The following GMDS variants were observed in gnomAD, a reference collection of about 807,000 sequenced individuals.
The protein encoded by GMDS is GDP-mannose 4,6 dehydratase.
GMDS carries 20 observed loss-of-function variants against 49.9 expected under a neutral mutation model. The observed-to-expected ratio is 0.40, with a 90% CI of 0.28 to 0.58. The LOEUF is 0.58. Among genes scored for constraint, GMDS ranks in the 20% least tolerant of loss-of-function variants. The probability of loss-of-function intolerance (pLI) is 0.42; values close to 1 mark genes in which losing one functional copy is unlikely to be tolerated. For synonymous variants in GMDS, 177 were observed against 178.6 expected (o/e 0.99, Z 0.07); for missense variants, 362 against 481.4 (o/e 0.75, Z 2.32).
chr6:1,782,862 G>T (rs1163220219), intron 7 of GMDS, among the ~76,000 whole-genome samples: 1 of 152,184 alleles, frequency 6.6e-6, no homozygotes, highest in African/African-American at 2.4e-5. Flanking sequence ...TGTCAAGAAA[G>T]GATCACAGAG....
chr6:1,725,528 G>A (rs1053031182), intron 9 of GMDS, among the ~76,000 whole-genome samples: 3 of 152,050 alleles, frequency 2.0e-5, no homozygotes, highest in Non-Finnish European at 4.4e-5. Flanking sequence ...CCGCCTCCTG[G>A]GTTCAAGCGA....
intron 9 of GMDS, among the ~76,000 whole-genome samples, chr6:1,656,833 C>T (rs551349072): frequency 6.6e-6 from 1 of 152,114 alleles, no homozygotes; most frequent in Non-Finnish European, 1.5e-5. Flanking sequence ...CCTCCTTCTA[C>T]CGTATAACTG....
chr6:1,704,864 G>A (rs932989321), intron 9 of GMDS, among the ~76,000 whole-genome samples: 19 of 152,094 alleles, frequency 1.2e-4, no homozygotes, highest in South Asian at 8.3e-4. Flanking sequence ...AGAGGGGGGC[G>A]GGGGTGAGGG....
At chr6:2,196,972 A>C (rs889643672) in intron 1 of GMDS, among the ~76,000 whole-genome samples, 2 of 152,206 alleles carry the variant, frequency 1.3e-5, no homozygotes, top group African/African-American at 4.8e-5. Context: ...CTTGTCAAAA[A>C]GCCAGTGAAA....
At chr6:2,014,364 G>A (rs1000074108) in intron 4 of GMDS, among the ~76,000 whole-genome samples, 3 of 152,006 alleles carry the variant, frequency 2.0e-5, no homozygotes, top group Non-Finnish European at 2.9e-5. Context: ...TAACAGAAAC[G>A]AAACAACATA....
At position 2,224,003 on chromosome 6, in the gene GMDS, G is replaced by A. The variant is rs543965988; in HGVS notation, c.102+21318C>T. Among the ~76,000 whole-genome samples, 3 of 152,344 alleles carry A rather than the reference G, an allele frequency of 2.0e-5. No homozygotes were observed. In the South Asian group the frequency reaches 6.2e-4, roughly 32 times the overall value. ...TGACAAAGAGGTACAAGGAAAACCAGCAGAGGAGGGAAAATCAAGAGGAAA... is the reference window on the plus strand; with the variant it reads ...TGACAAAGAGGTACAAGGAAAACCAACAGAGGAGGGAAAATCAAGAGGAAA... On this transcript the variant is annotated intron_variant, in intron 1 of 10. Transcript: ENST00000380815.
rs150044511 is a variant in GMDS, at chr6:1,779,164, G to A, written c.772-36578C>T. Among the ~76,000 whole-genome samples, 108 of 152,244 alleles carry A rather than the reference G, an allele frequency of 7.1e-4. 3 individuals are homozygous for A. In the East Asian group the frequency reaches 0.019, roughly 27 times the overall value. On this transcript the variant is annotated intron_variant, in intron 7 of 10. Transcript: ENST00000380815. ...AGCCTTCCTCCAGCAGCCCTCTCAG[G>A]GTCATGCTGGAGGACTTTCTGTCCA...
chr6:1,895,300 G>A (rs746368916), intron 7 of GMDS, among the ~76,000 whole-genome samples: 109 of 152,066 alleles, frequency 7.2e-4, no homozygotes, highest in African/African-American at 2.3e-3. Flanking sequence ...CCGTTTCTCC[G>A]CTGCATTTTC....
chr6:1,639,999 A>AT (rs1212710993), intron 9 of GMDS, among the ~76,000 whole-genome samples: 2 of 152,224 alleles, frequency 1.3e-5, no homozygotes, highest in Admixed American at 1.3e-4. Context: ...CTGTTGAATG[A>AT]TATCGACCAA....
At chr6:1,827,119 T>TGTGTGG (rs1298835760) in intron 7 of GMDS, among the ~76,000 whole-genome samples, 1 of 144,462 alleles carries the variant, frequency 6.9e-6, no homozygotes, top group Non-Finnish European at 1.5e-5. Context: ...TGTGTGTGTG[T>TGTGTGG]GTATGTGTAT....
At chr6:1,934,035 T>C (rs923682604) in intron 6 of GMDS, among the ~76,000 whole-genome samples, 1 of 152,192 alleles carries the variant, frequency 6.6e-6, no homozygotes, top group Admixed American at 6.5e-5. Flanking sequence ...TTTTGATCAA[T>C]TTTTAGTAAA....
At chr6:1,933,115 T>C (rs1561902253) in intron 6 of GMDS, among the ~76,000 whole-genome samples, 1 of 152,230 alleles carries the variant, frequency 6.6e-6, no homozygotes, top group African/African-American at 2.4e-5. Context: ...ACACTTCCTA[T>C]AAATGGAATT....
At chr6:1,682,333 A>G (rs2814818) in intron 9 of GMDS, among the ~76,000 whole-genome samples, 46,969 of 152,144 alleles carry the variant, frequency 0.31, 7,379 homozygotes, top group Middle Eastern at 0.35. Flanking sequence ...TCTGAGCCCA[A>G]ACGAGCTCCT....
chr6:1,963,120 C>A (rs951798190), intron 4 of GMDS, among the ~76,000 whole-genome samples: 2 of 151,638 alleles, frequency 1.3e-5, no homozygotes, highest in African/African-American at 4.8e-5. Flanking sequence ...CATGATCCAC[C>A]CACCTCAGCC....
At chr6:1,786,907 G>A (rs893860841) in intron 7 of GMDS, among the ~76,000 whole-genome samples, 1 of 152,022 alleles carries the variant, frequency 6.6e-6, no homozygotes, top group Non-Finnish European at 1.5e-5. Context: ...AAGTGAGTGA[G>A]CTGACTGCAG....
At chr6:1,738,300 C>T (rs1294281662) in intron 8 of GMDS, among the ~76,000 whole-genome samples, 2 of 152,346 alleles carry the variant, frequency 1.3e-5, no homozygotes, top group Middle Eastern at 3.4e-3. Flanking sequence ...CGTTACCTTA[C>T]ATTTTATCAG....
intron 9 of GMDS, chr6:1,625,476 TCCC>T (rs1189699752): frequency 1.3e-5 from 2 of 152,208 alleles, no homozygotes; most frequent in African/African-American, 4.8e-5. Flanking sequence ...CCTCCCGCTT[TCCC>T]CAACTGCTCC....
At chr6:2,145,399 G>T (rs182969882) in intron 1 of GMDS, among the ~76,000 whole-genome samples, 1 of 151,904 alleles carries the variant, frequency 6.6e-6, no homozygotes, top group Admixed American at 6.6e-5. Context: ...TTAGCCGGGC[G>T]TGGTGGTGGA....
chr6:1,657,418 G>C (rs1334581423), intron 9 of GMDS, among the ~76,000 whole-genome samples: 5 of 152,204 alleles, frequency 3.3e-5, no homozygotes, highest in Non-Finnish European at 5.9e-5. Context: ...CAGTATGACA[G>C]CAACATGGCA....
Sources: gnomAD v4.1 joint callset for allele counts (sites outside exome capture counted in the v4.1 genomes callset) on GRCh38, gnomAD v4.1.1 for gene constraint, MANE v1.5 for transcripts, NCBI Gene and HGNC (gene_info 2026-07-23, HGNC 2026-07-21) for gene names.